The following PDE4B variants were observed in gnomAD, a reference collection of about 807,000 sequenced individuals.
PDE4B encodes 3',5'-cyclic-AMP phosphodiesterase 4B.
PDE4B carries 20 observed loss-of-function variants against 82.2 expected under a neutral mutation model. The ratio of observed to expected loss-of-function variants is 0.24; its 90% CI spans 0.17 to 0.35. PDE4B has a LOEUF of 0.35. PDE4B is among the 10% of genes least tolerant of loss of function. The probability of loss-of-function intolerance (pLI) is 1.00; values close to 1 mark genes in which losing one functional copy is unlikely to be tolerated. For missense variants in PDE4B, 655 were observed against 907.2 expected, an observed-to-expected ratio of 0.72 and a Z score of 3.57; for synonymous variants, 320 against 318.9, an observed-to-expected ratio of 1.00 and a Z score of -0.04.
rs186516829 is a variant in PDE4B, at chr1:66,220,501, G to A, written c.282-26959G>A. 3.9e-4 allele frequency among the ~76,000 whole-genome samples: 60 copies of A among 152,248 alleles called. No individual in the cohort carries two copies. In the East Asian group the frequency reaches 0.011, roughly 27 times the overall value. ...AACTGATTATTGAAATTGCAAAGAA[G>A]CCTTGTATGCTGCTTGCAAGCTGAG... On this transcript the variant is annotated intron_variant, in intron 3 of 16. Transcript: ENST00000341517.
At chr1:66,061,373 G>A (rs951809342) in intron 3 of PDE4B, among the ~76,000 whole-genome samples, 3 of 151,634 alleles carry the variant, frequency 2.0e-5, no homozygotes, top group Non-Finnish European at 2.9e-5. Flanking sequence ...GAAACCAAAG[G>A]TCTGATGTCT....
intron 3 of PDE4B, among the ~76,000 whole-genome samples, chr1:66,171,857 A>G (rs1298718935): frequency 6.6e-6 from 1 of 152,200 alleles, no homozygotes; most frequent in East Asian, 1.9e-4. Context: ...AAAAATTGAT[A>G]TGTGACTCAT....
At chr1:66,291,352 C>T (rs1046961974) in intron 7 of PDE4B, among the ~76,000 whole-genome samples, 15 of 152,122 alleles carry the variant, frequency 9.9e-5, no homozygotes, top group African/African-American at 3.6e-4. Context: ...AGATACTAGG[C>T]TCTTTTAACA....
chr1:66,289,776 A>AG (rs1427570235), intron 7 of PDE4B, among the ~76,000 whole-genome samples: 4 of 152,034 alleles, frequency 2.6e-5, no homozygotes, highest in Non-Finnish European at 1.5e-5. Flanking sequence ...TTGGAAAGAG[A>AG]GGATATGAGG....
rs531889312 is a variant in PDE4B at position 66,368,748 on chromosome 1, A to G, written c.1663-39A>G. On this transcript the variant is annotated intron_variant, in intron 15 of 16. Coordinates refer to ENST00000341517, the MANE Select transcript of PDE4B (RefSeq NM_002600.4). ...CATGAGATGTTCCGGCAGTATTTAC[A>G]CCTAATTTTATGAGATTTCCAAAAC... 3 of 1,466,470 alleles carry G rather than the reference A, an allele frequency of 2.0e-6. No homozygotes were observed. In the East Asian group the frequency reaches 7.3e-5, roughly 35 times the overall value. The allele number at this position is 1,466,470 out of a possible 1,614,324, so 90.8% of individuals were successfully genotyped here.
In PDE4B at chr1:66,249,605, G is replaced by A. The variant is rs139854295; in HGVS notation, c.476+1951G>A. Among the ~76,000 whole-genome samples, 89 of 152,162 alleles carry A rather than the reference G, an allele frequency of 5.8e-4. No individual in the cohort carries two copies. The East Asian group carries it at 0.015, about 25-fold the overall frequency. ...GTAGTTCTAAATGACACCGCATCCAGCATCCCTGTTACTGGTAGTTTACTG... is the reference window on the plus strand; with the variant it reads ...GTAGTTCTAAATGACACCGCATCCAACATCCCTGTTACTGGTAGTTTACTG... On this transcript the variant is annotated intron_variant, in intron 4 of 16. Transcript: ENST00000341517.
chr1:66,110,820 A>G (rs575584898), intron 3 of PDE4B, among the ~76,000 whole-genome samples: 1 of 152,066 alleles, frequency 6.6e-6, no homozygotes, highest in Non-Finnish European at 1.5e-5. Flanking sequence ...AACTATGATG[A>G]GGGTGATGAC....
chr1:66,345,933 C>G (rs1010357007), intron 8 of PDE4B, among the ~76,000 whole-genome samples: 2 of 152,112 alleles, frequency 1.3e-5, no homozygotes, highest in African/African-American at 4.8e-5. Context: ...AAATGTGAAG[C>G]ATGGTTTTGG....
intron 3 of PDE4B, among the ~76,000 whole-genome samples, chr1:66,194,651 A>T (rs2101494197): frequency 6.6e-6 from 1 of 152,236 alleles, no homozygotes; most frequent in Admixed American, 6.5e-5. Flanking sequence ...ATGTAACTGG[A>T]CTTAATGAGC....
intron 3 of PDE4B, among the ~76,000 whole-genome samples, chr1:66,213,150 A>G (rs79942473): frequency 0.025 from 3,788 of 152,302 alleles, 65 homozygotes; most frequent in Middle Eastern, 0.095. Context: ...TCTTAAAGGA[A>G]GACTCCTTTC....
chr1:66,189,724 G>A (rs999223449), intron 3 of PDE4B, among the ~76,000 whole-genome samples: 4 of 151,846 alleles, frequency 2.6e-5, no homozygotes, highest in African/African-American at 9.7e-5. Context: ...TATTCTAGTT[G>A]GCCATTCATC....
chr1:65,948,126 T>C (rs1350778301), intron 3 of PDE4B, among the ~76,000 whole-genome samples: 1 of 151,640 alleles, frequency 6.6e-6, no homozygotes, highest in East Asian at 1.9e-4. Flanking sequence ...TACAATTCAA[T>C]GAACAAAGGG....
chr1:66,000,659 G>A (rs1651815850), intron 3 of PDE4B, among the ~76,000 whole-genome samples: 1 of 152,180 alleles, frequency 6.6e-6, no homozygotes, highest in African/African-American at 2.4e-5. Context: ...CTGGAACTTA[G>A]GGAGAATGAG....
chr1:65,932,707 C>A (rs1408939125), intron 3 of PDE4B, among the ~76,000 whole-genome samples: 1 of 151,954 alleles, frequency 6.6e-6, no homozygotes, highest in Non-Finnish European at 1.5e-5. Context: ...ACCAAGAGAA[C>A]AATGCATGAA....
intron 1 of PDE4B, among the ~76,000 whole-genome samples, chr1:65,809,037 A>C (rs1350866881): frequency 2.6e-5 from 4 of 152,060 alleles, no homozygotes; most frequent in Non-Finnish European, 5.9e-5. Context: ...TAGTCTTTAG[A>C]AATGCAAAAT....
At chr1:66,249,862 T>A (rs1050756918) in intron 4 of PDE4B, among the ~76,000 whole-genome samples, 1 of 152,174 alleles carries the variant, frequency 6.6e-6, no homozygotes, top group African/African-American at 2.4e-5. Flanking sequence ...GTTGGCAACA[T>A]AATACCACCC....
At chr1:65,989,545 A>G (rs1651132621) in intron 3 of PDE4B, among the ~76,000 whole-genome samples, 2 of 152,196 alleles carry the variant, frequency 1.3e-5, no homozygotes, top group African/African-American at 4.8e-5. Flanking sequence ...TAAACCTGAG[A>G]CATACCTTTA....
chr1:65,907,385 A>G (rs1647038613), intron 1 of PDE4B, among the ~76,000 whole-genome samples: 1 of 152,090 alleles, frequency 6.6e-6, no homozygotes, highest in Non-Finnish European at 1.5e-5. Flanking sequence ...CTGGAATTTC[A>G]TTAGTTTCAT....
chr1:66,046,946 A>C (rs1319749885), intron 3 of PDE4B, among the ~76,000 whole-genome samples: 1 of 151,932 alleles, frequency 6.6e-6, no homozygotes, highest in Non-Finnish European at 1.5e-5. Context: ...AACTTTAATT[A>C]GATTTTTATC....
Sources: gnomAD v4.1 joint callset for allele counts (sites outside exome capture counted in the v4.1 genomes callset) on GRCh38, gnomAD v4.1.1 for gene constraint, MANE v1.5 for transcripts, NCBI Gene and HGNC (gene_info 2026-07-23, HGNC 2026-07-21) for gene names.